The following TCF12 variants were observed in gnomAD, a reference collection of about 807,000 sequenced individuals.
The protein encoded by TCF12 is transcription factor 12.
In TCF12, 45 loss-of-function variants were observed where a neutral mutation model predicts 86.0. The ratio of observed to expected loss-of-function variants is 0.52; its 90% confidence interval spans 0.41 to 0.67. The LOEUF (loss-of-function observed/expected upper bound fraction) is 0.67. TCF12 is among the 30% of genes least tolerant of loss of function. The probability of loss-of-function intolerance (pLI) is 0.00; values close to 1 mark genes in which losing one functional copy is unlikely to be tolerated. For synonymous variants in TCF12, 330 were observed against 299.6 expected, an observed-to-expected ratio of 1.10 and a Z score of -1.05; for missense variants, 881 against 859.9, an observed-to-expected ratio of 1.02 and a Z score of -0.31.
intron 5 of TCF12, among the ~76,000 whole-genome samples, chr15:57,151,298 A>G (rs1240085111): frequency 6.6e-6 from 1 of 151,946 alleles, no homozygotes; most frequent in African/African-American, 2.4e-5. Context: ...TGTCATTTTT[A>G]GAGAGAAGAA....
chr15:57,046,764 A>G, intron 3 of TCF12, among the ~76,000 whole-genome samples: 1 of 152,152 alleles, frequency 6.6e-6, no homozygotes, highest in East Asian at 1.9e-4. Flanking sequence ...CTGATATTCT[A>G]AAACTATTGG....
At chr15:57,152,753 T>G (rs1367843431) in intron 5 of TCF12, among the ~76,000 whole-genome samples, 5 of 151,994 alleles carry the variant, frequency 3.3e-5, no homozygotes, top group African/African-American at 1.2e-4. Context: ...TAAATAATAA[T>G]GCAGAAGAAA....
chr15:56,987,085 T>C (rs1443898083), intron 3 of TCF12, among the ~76,000 whole-genome samples: 2 of 152,114 alleles, frequency 1.3e-5, no homozygotes, highest in Non-Finnish European at 2.9e-5. Context: ...AGTAATGCAA[T>C]ATTTAGTGAG....
Position 56,964,856 on chromosome 15 carries a change from G to T in TCF12, c.148+43758G>T, listed in dbSNP as rs562003792. ...TGGTAAAAATCATATTCAAATAATA[G>T]ATCATTTATTTAGCTTTTTAATAAG... On this transcript the variant is annotated intron_variant, in intron 3 of 20. Coordinates refer to ENST00000333725, the MANE Select transcript of TCF12 (RefSeq NM_207037.2). Among the ~76,000 whole-genome samples, 18 of 152,240 alleles carry T rather than the reference G, an allele frequency of 1.2e-4. No homozygotes were observed. The East Asian group carries it at 3.3e-3, about 28-fold the overall frequency.
At chr15:56,996,799 A>AT (rs1185327155) in intron 3 of TCF12, among the ~76,000 whole-genome samples, 1 of 152,050 alleles carries the variant, frequency 6.6e-6, no homozygotes, top group African/African-American at 2.4e-5. Flanking sequence ...TAACCCCATT[A>AT]TAAAGGGACA....
chr15:56,978,750 A>G (rs916095221), intron 3 of TCF12, among the ~76,000 whole-genome samples: 1 of 152,206 alleles, frequency 6.6e-6, no homozygotes, highest in African/African-American at 2.4e-5. Flanking sequence ...TTGGCTCTTT[A>G]GTGGGGCCTA....
At position 57,178,360 on chromosome 15, in the gene TCF12, T is replaced by C. The variant is rs1187866240; in HGVS notation, c.390+11894T>C. On this transcript the variant is annotated intron_variant, in intron 6 of 20. Transcript: ENST00000333725. Reference sequence around the variant, plus strand: ...ACGTAATGTTTCATTTTATAAAGTATGGCATGCCTAACTATATGTCTAATG... The same window carrying C: ...ACGTAATGTTTCATTTTATAAAGTACGGCATGCCTAACTATATGTCTAATG... 3.3e-5 allele frequency among the ~76,000 whole-genome samples: 5 copies of C among 152,220 alleles called. No individual in the cohort carries two copies. In the East Asian group the frequency reaches 9.6e-4, roughly 29 times the overall value.
intron 5 of TCF12, among the ~76,000 whole-genome samples, chr15:57,112,495 A>T (rs926449099): frequency 1.3e-5 from 2 of 152,172 alleles, no homozygotes; most frequent in African/African-American, 4.8e-5. Flanking sequence ...GTTCAAGGAG[A>T]GGAGCTGTGA....
chr15:57,100,289 A>G (rs769996221), intron 5 of TCF12, among the ~76,000 whole-genome samples: 51 of 152,208 alleles, frequency 3.4e-4, no homozygotes, highest in Non-Finnish European at 5.1e-4. Flanking sequence ...CAGTTCTGCT[A>G]TATGCGTAGA....
intron 8 of TCF12, among the ~76,000 whole-genome samples, chr15:57,209,940 C>T (rs1012209094): frequency 2.6e-5 from 4 of 152,140 alleles, no homozygotes; most frequent in Admixed American, 1.3e-4. Flanking sequence ...CACTTTCCCT[C>T]GTATCCAAAT....
intron 8 of TCF12, among the ~76,000 whole-genome samples, chr15:57,211,404 T>C (rs1208377364): frequency 2.0e-5 from 3 of 152,050 alleles, no homozygotes; most frequent in Non-Finnish European, 2.9e-5. Context: ...GTGTCAATTA[T>C]ACTTTAAAAA....
At chr15:56,994,668 A>G (rs1297100556) in intron 3 of TCF12, among the ~76,000 whole-genome samples, 2 of 152,144 alleles carry the variant, frequency 1.3e-5, no homozygotes, top group Admixed American at 1.3e-4. Context: ...AGAAGAAAAA[A>G]CAATTTGTTC....
At chr15:56,921,152 A>T in intron 3 of TCF12, 54 bp downstream of exon 3, 1 of 1,395,406 alleles carries the variant, frequency 7.2e-7, no homozygotes, top group Admixed American at 2.1e-5. Flanking sequence ...GATACATTTT[A>T]GTAGAAAAAT....
intron 3 of TCF12, among the ~76,000 whole-genome samples, chr15:56,959,386 C>T (rs1234223290): frequency 6.6e-6 from 1 of 152,146 alleles, no homozygotes; most frequent in Non-Finnish European, 1.5e-5. Flanking sequence ...CACTCTGTCA[C>T]CTGAGGTGTG....
chr15:57,278,032 T>G (rs1283838828), intron 19 of TCF12, among the ~76,000 whole-genome samples: 2 of 152,104 alleles, frequency 1.3e-5, no homozygotes, highest in African/African-American at 4.8e-5. Context: ...AGGGTTTCAC[T>G]GTATTGCCCA....
chr15:57,182,782 T>A (rs1240594788), intron 6 of TCF12, among the ~76,000 whole-genome samples: 2 of 152,140 alleles, frequency 1.3e-5, no homozygotes, highest in African/African-American at 2.4e-5. Context: ...TCCAAAAAAA[T>A]TTGTTCTCCT....
chr15:57,269,042 G>A (rs551375391), intron 18 of TCF12, among the ~76,000 whole-genome samples: 27 of 152,170 alleles, frequency 1.8e-4, no homozygotes, highest in African/African-American at 4.6e-4. Flanking sequence ...TGTTAAGTCC[G>A]CTTGGTCCAG....
intron 3 of TCF12, among the ~76,000 whole-genome samples, chr15:57,027,942 T>G (rs1353947846): frequency 6.6e-6 from 1 of 152,148 alleles, no homozygotes; most frequent in Non-Finnish European, 1.5e-5. Context: ...CATGTGGAAC[T>G]GTGAGTCCAT....
At chr15:57,285,738 G>A (rs1480194295) in intron 20 of TCF12, among the ~76,000 whole-genome samples, 2 of 152,176 alleles carry the variant, frequency 1.3e-5, no homozygotes, top group Admixed American at 1.3e-4. Context: ...CCTATAGTTT[G>A]TGATTCTGTA....
Sources: allele counts gnomAD v4.1 joint callset (sites outside exome capture counted in the v4.1 genomes callset), GRCh38; gene constraint gnomAD v4.1.1; transcripts MANE v1.5; gene names NCBI Gene and HGNC (gene_info 2026-07-23, HGNC 2026-07-21).